PCDH15: variants seen among roughly 807,000 people sequenced by gnomAD.
The protein encoded by PCDH15 is protocadherin-15.
PCDH15 carries 129 observed loss-of-function variants against 178.5 expected under a neutral mutation model. That is an observed-to-expected ratio of 0.72 (90% CI 0.63 to 0.84). The LOEUF (loss-of-function observed/expected upper bound fraction) is 0.84, where lower values mean the gene tolerates loss of function less well. Among genes scored for constraint, PCDH15 ranks in the 40% least tolerant of loss-of-function variants. PCDH15 has a pLI of 0.00. For missense variants in PCDH15, 2,230 were observed against 2,099.9 expected (o/e 1.06, Z -1.21); for synonymous variants, 800 against 732.0 (o/e 1.09, Z -1.50).
chr10:53,925,123 A>G (rs944320660), intron 25 of PCDH15, among the ~76,000 whole-genome samples: 4 of 151,992 alleles, frequency 2.6e-5, no homozygotes, highest in Non-Finnish European at 4.4e-5. Flanking sequence ...CCTCTTCCAC[A>G]CTGTGGAAGC....
At chr10:55,086,450 G>A (rs1002230914) in intron 2 of PCDH15, among the ~76,000 whole-genome samples, 7 of 151,904 alleles carry the variant, frequency 4.6e-5, no homozygotes, top group Admixed American at 4.6e-4. Flanking sequence ...AATAACATAG[G>A]TTCCCTCTTC....
intron 2 of PCDH15, among the ~76,000 whole-genome samples, chr10:54,615,900 A>C (rs1184181212): frequency 2.6e-5 from 4 of 152,076 alleles, no homozygotes; most frequent in African/African-American, 9.7e-5. Flanking sequence ...ATGGCGATGG[A>C]TACTTAGTCT....
At chr10:55,143,300 T>A (rs1838404440) in intron 2 of PCDH15, among the ~76,000 whole-genome samples, 1 of 152,226 alleles carries the variant, frequency 6.6e-6, no homozygotes, top group Admixed American at 6.5e-5. Context: ...TATATATGTA[T>A]ACCTGATAAA....
intron 1 of PCDH15, among the ~76,000 whole-genome samples, chr10:55,185,405 T>G (rs1351363218): frequency 6.6e-6 from 1 of 151,780 alleles, no homozygotes; most frequent in Non-Finnish European, 1.5e-5. Context: ...TTAAATTTTG[T>G]ATTAAAAATC....
intron 26 of PCDH15, among the ~76,000 whole-genome samples, chr10:53,872,114 T>C (rs922019090): frequency 3.3e-5 from 5 of 152,196 alleles, no homozygotes; most frequent in African/African-American, 4.8e-5. Flanking sequence ...CCAAACATAA[T>C]GAGGATGTTG....
In PCDH15 at chr10:53,937,091, T is replaced by C. The variant is rs147837020; in HGVS notation, c.3373+1724A>G. On this transcript the variant is annotated intron_variant, in intron 25 of 37. Transcript: ENST00000644397. ...CATTTCTGACAGGATAATTCAGGAA[T>C]TGGTTTCACCTCTACATGCATACTG... 1.1e-4 allele frequency among the ~76,000 whole-genome samples: 17 copies of C among 152,282 alleles called. No homozygotes were observed. The East Asian group carries it at 2.1e-3, about 19-fold the overall frequency.
intron 2 of PCDH15, among the ~76,000 whole-genome samples, chr10:55,625,272 A>G (rs1788978391): frequency 1.3e-5 from 2 of 152,190 alleles, no homozygotes; most frequent in African/African-American, 4.8e-5. Context: ...GAGAATACCC[A>G]TCTTCTAATA....
intron 2 of PCDH15, among the ~76,000 whole-genome samples, chr10:55,056,157 T>G (rs1019884736): frequency 6.6e-6 from 1 of 152,064 alleles, no homozygotes; most frequent in African/African-American, 2.4e-5. Context: ...ATGATGTGAT[T>G]CCCCTGCTTA....
At chr10:55,317,745 C>A (rs552788087) in intron 1 of PCDH15, among the ~76,000 whole-genome samples, 2 of 151,612 alleles carry the variant, frequency 1.3e-5, no homozygotes, top group Non-Finnish European at 2.9e-5. Flanking sequence ...ATAGAAAATC[C>A]TCAGGTGATA....
At chr10:54,182,701 T>G (rs1310664510) in intron 13 of PCDH15, among the ~76,000 whole-genome samples, 1 of 152,142 alleles carries the variant, frequency 6.6e-6, no homozygotes. Context: ...GTAACCAATA[T>G]CTAGTGGGAT....
At chr10:55,472,883 TTTTC>T (rs1302041608) in intron 2 of PCDH15, among the ~76,000 whole-genome samples, 1 of 152,150 alleles carries the variant, frequency 6.6e-6, no homozygotes, top group African/African-American at 2.4e-5. Context: ...AATCACCAAG[TTTTC>T]TTTATTAAAA....
At chr10:53,914,812 T>C (rs907143834) in intron 25 of PCDH15, among the ~76,000 whole-genome samples, 3 of 152,156 alleles carry the variant, frequency 2.0e-5, no homozygotes, top group Non-Finnish European at 2.9e-5. Flanking sequence ...AGCAATCTAT[T>C]ACAAACAACA....
At chr10:54,758,414 C>A (rs569192528) in intron 1 of PCDH15, among the ~76,000 whole-genome samples, 1 of 152,100 alleles carries the variant, frequency 6.6e-6, no homozygotes, top group African/African-American at 2.4e-5. Flanking sequence ...GTGTTGCTGA[C>A]GCTTTTTGGA....
chr10:55,164,508 C>A (rs570933035), intron 2 of PCDH15, among the ~76,000 whole-genome samples: 38 of 151,040 alleles, frequency 2.5e-4, no homozygotes, highest in African/African-American at 8.5e-4. Flanking sequence ...TTAAGTAATA[C>A]AATTGGAGTA....
chr10:55,308,255 T>C (rs893697126), intron 1 of PCDH15, among the ~76,000 whole-genome samples: 1 of 152,272 alleles, frequency 6.6e-6, no homozygotes, highest in African/African-American at 2.4e-5. Context: ...TAACAAGCGG[T>C]GAATTATTGA....
chr10:54,200,858 T>C (rs1291522453), intron 10 of PCDH15, among the ~76,000 whole-genome samples: 2 of 152,188 alleles, frequency 1.3e-5, no homozygotes, highest in Non-Finnish European at 2.9e-5. Context: ...TTGCTCAATC[T>C]AGTCTAATCT....
intron 25 of PCDH15, among the ~76,000 whole-genome samples, chr10:53,929,549 T>C (rs112886365): frequency 1.3e-5 from 2 of 152,280 alleles, no homozygotes; most frequent in African/African-American, 4.8e-5. Flanking sequence ...CAGGCTACAA[T>C]ATTGTTACCC....
chr10:55,296,087 G>GA (rs907281496), intron 1 of PCDH15, among the ~76,000 whole-genome samples: 19 of 152,156 alleles, frequency 1.2e-4, no homozygotes, highest in African/African-American at 4.1e-4. Flanking sequence ...ATACAACTCA[G>GA]AAAAAAATGA....
At chr10:55,270,355 C>T (rs758814760) in intron 1 of PCDH15, among the ~76,000 whole-genome samples, 3 of 151,908 alleles carry the variant, frequency 2.0e-5, no homozygotes, top group Non-Finnish European at 2.9e-5. Flanking sequence ...CGACAACCTA[C>T]CAAATGGGAG....
Sources: gnomAD v4.1 joint callset for allele counts (sites outside exome capture counted in the v4.1 genomes callset) on GRCh38, gnomAD v4.1.1 for gene constraint, MANE v1.5 for transcripts, NCBI Gene and HGNC (gene_info 2026-07-23, HGNC 2026-07-21) for gene names.